GATM: variants seen among roughly 807,000 people sequenced by gnomAD.
GATM encodes glycine amidinotransferase, also known as glycine amidinotransferase, mitochondrial.
A neutral mutation model predicts 54.2 loss-of-function variants in GATM; 23 were observed. The observed-to-expected ratio is 0.42, with a 90% CI of 0.31 to 0.60. GATM has a LOEUF of 0.60. Among genes scored for constraint, GATM ranks in the 20% least tolerant of loss-of-function variants. GATM has a pLI of 0.14. For missense variants in GATM, 401 were observed against 544.9 expected, an observed-to-expected ratio of 0.74 and a Z score of 2.63; for synonymous variants, 168 against 183.1, an observed-to-expected ratio of 0.92 and a Z score of 0.67.
intron 4 of GATM, 77 bp downstream of exon 4, chr15:45,367,993 T>A (rs1055874586): frequency 8.0e-7 from 1 of 1,248,896 alleles, no homozygotes; most frequent in South Asian, 1.2e-5. Context: ...ATACAAGGTA[T>A]CAGAGAATCT....
chr15:45,402,204 T>G, exon 1 of GATM: 1 of 592,268 alleles, frequency 1.7e-6, no homozygotes, highest in Non-Finnish European at 2.8e-6. Context: ...AGCTCTGGGT[T>G]AGGCAACTCG....
chr15:45,392,839 C>T (rs1889887124), intron 3 of GATM, among the ~76,000 whole-genome samples: 1 of 152,144 alleles, frequency 6.6e-6, no homozygotes, highest in African/African-American at 2.4e-5. Flanking sequence ...CTGGAAGATA[C>T]TTGTATTGCT....
At chr15:45,394,416 T>A (rs1013767583) in intron 3 of GATM, among the ~76,000 whole-genome samples, 35 of 152,102 alleles carry the variant, frequency 2.3e-4, no homozygotes, top group African/African-American at 8.5e-4. Context: ...ACTGCTGAAG[T>A]AGAGGAAAGA....
chr15:45,383,343 A>T (rs772123110), upstream of GATM, among the ~76,000 whole-genome samples: 1 of 152,260 alleles, frequency 6.6e-6, no homozygotes, highest in Non-Finnish European at 1.5e-5. Flanking sequence ...GCAAAACACT[A>T]GCTCCAGCTA....
intron 3 of GATM, among the ~76,000 whole-genome samples, chr15:45,396,726 G>A (rs373924307): frequency 2.6e-5 from 4 of 151,772 alleles, no homozygotes; most frequent in East Asian, 1.9e-4. Context: ...AAAATTAGCC[G>A]GGCGTGGCAG....
intron 1 of GATM, chr15:45,377,876 CTCCCCG>C (rs1344132339): frequency 6.5e-6 from 1 of 153,492 alleles, no homozygotes; most frequent in Non-Finnish European, 1.4e-5. Context: ...TGGTCGCTCG[CTCCCCG>C]TCCCCGATTC....
At chr15:45,398,891 T>C (rs1224802455) in intron 2 of GATM, among the ~76,000 whole-genome samples, 2 of 152,156 alleles carry the variant, frequency 1.3e-5, no homozygotes, top group Admixed American at 1.3e-4. Flanking sequence ...TTTATATACA[T>C]ATATAATATG....
At position 45,361,168 on chromosome 15, in the gene GATM, C is replaced by T. The variant is rs1249742283; in HGVS notation, c.*941G>A. 1.3e-5 allele frequency: 2 copies of T among 152,090 alleles called. No homozygotes were observed. The highest frequency in any genetic ancestry group is 2.9e-5 in the Non-Finnish European group (2 of 68,016). The allele number at this position is 152,090 out of a possible 1,614,324, so 9.4% of individuals were successfully genotyped here. ...GTTTATTAGAATAAAAATACACATA[C>T]GGTATCAACACTAAAATTATTTCAC... is the stretch of plus-strand genomic sequence containing the variant. On this transcript the variant is annotated 3_prime_UTR_variant, in exon 9 of 9. Transcript: ENST00000396659.
In GATM at chr15:45,376,749, C is replaced by T. The variant is rs777639154; in HGVS notation, c.140G>A (p.Arg47Gln). The change falls in exon 2 of 9, where the codon CGG becomes CAG. Residue 47 changes from arginine to glutamine, a missense_variant. Coordinates refer to ENST00000396659, the MANE Select transcript of GATM (RefSeq NM_001482.3). ...QSTQAATASS[R>Q]NSCAADDKAT... The stretch of plus-strand genomic sequence containing the variant: ...TTTGTCGTCAGCTGCACAGGAGTTC[C>T]GGGAGGAAGCCGTAGCTGCCTGGGT... 6 of 1,614,152 alleles carry T rather than the reference C, an allele frequency of 3.7e-6. No individual in the cohort carries two copies. The highest frequency in any genetic ancestry group is 3.4e-6 in the Non-Finnish European group (4 of 1,180,030).
At chr15:45,367,961 C>A in intron 4 of GATM, 109 bp downstream of exon 4, 1 of 844,980 alleles carries the variant, frequency 1.2e-6, no homozygotes, top group East Asian at 2.6e-5. Flanking sequence ...ATGATGTTTT[C>A]GGTTTCTAAA....
rs1456477402 is a variant in GATM, at chr15:45,369,444, C to T, written c.366G>A (p.Lys122=). The change falls in exon 3 of 9, where the codon AAG becomes AAA. Residue 122 remains lysine, a synonymous_variant. Coordinates refer to ENST00000396659, the MANE Select transcript of GATM (RefSeq NM_001482.3). ...GHYFPKDHLK[K]AVAEIEEMCN... The stretch of plus-strand genomic sequence containing the variant: ...ACATTTCTTCAATTTCAGCAACAGC[C>T]TTTTTCAAATGATCTTTGGGAAAAT... 7.4e-6 allele frequency: 12 copies of T among 1,614,078 alleles called. No homozygotes were observed. The East Asian group carries it at 2.5e-4, about 33-fold the overall frequency.
chr15:45,378,469 G>T lies in GATM; in HGVS notation c.-16C>A. 7.0e-7 allele frequency: 1 copy of T among 1,430,544 alleles called. No individual in the cohort carries two copies. Among genetic ancestry groups the T allele is most frequent in the Non-Finnish European group, 9.1e-7 (1 of 1,098,316 alleles). 88.6% of individuals were successfully genotyped at this position (1,430,544 alleles called of 1,614,324 possible). On this transcript the variant is annotated 5_prime_UTR_variant, in exon 1 of 9. Transcript: ENST00000396659. ...CCCGCAGCATCGCCCTGGCCCGGCT[G>T]GTCCACGCGCGGAATGTTCCTGGCC...
chr15:45,366,590 A>G, intron 4 of GATM, 82 bp from the exon 5 acceptor site: 2 of 1,501,934 alleles, frequency 1.3e-6, no homozygotes, highest in South Asian at 1.1e-5. Context: ...TAAGAAAATT[A>G]GTTTAACATC....
intron 1 of GATM, chr15:45,401,876 TCCCAGATTGGAA>T (rs1890017787): frequency 6.5e-6 from 1 of 152,972 alleles, no homozygotes; most frequent in African/African-American, 2.4e-5. Flanking sequence ...TGCCTGGACC[TCCCAGATTGGAA>T]CCCCGATTAC....
chr15:45,365,557 T>C (rs1889433736), intron 6 of GATM, among the ~76,000 whole-genome samples: 1 of 152,090 alleles, frequency 6.6e-6, no homozygotes, highest in African/African-American at 2.4e-5. Context: ...GGACAGAAAG[T>C]AGGAGGCTGC....
chr15:45,378,637 G>A (rs1040865581), upstream of GATM: 2 of 466,668 alleles, frequency 4.3e-6, no homozygotes, highest in Non-Finnish European at 3.7e-6. Flanking sequence ...AGGTGGTGGG[G>A]CCGGCGTAGC....
At chr15:45,386,442 G>A (rs1040994356) in intron 3 of GATM, among the ~76,000 whole-genome samples, 135 of 152,150 alleles carry the variant, frequency 8.9e-4, no homozygotes, top group African/African-American at 3.1e-3. Context: ...AACAACTCTT[G>A]TTGTCACAGA....
chr15:45,389,787 T>C (rs1889847994), intron 3 of GATM, among the ~76,000 whole-genome samples: 1 of 152,198 alleles, frequency 6.6e-6, no homozygotes, highest in Admixed American at 6.5e-5. Flanking sequence ...TAGGAATCAC[T>C]TGGGGAGCTT....
intron 1 of GATM, among the ~76,000 whole-genome samples, chr15:45,400,424 G>A (rs149918387): frequency 2.2e-4 from 33 of 152,304 alleles, no homozygotes; most frequent in African/African-American, 7.0e-4. Flanking sequence ...AGAGCTGAAG[G>A]CCCAGTAACA....
Sources: gnomAD v4.1 joint callset for allele counts (sites outside exome capture counted in the v4.1 genomes callset) on GRCh38, gnomAD v4.1.1 for gene constraint, MANE v1.5 for transcripts, NCBI Gene and HGNC (gene_info 2026-07-23, HGNC 2026-07-21) for gene names.